ITIH3: variants seen among roughly 807,000 people sequenced by gnomAD.
ITIH3 encodes inter-alpha-trypsin inhibitor heavy chain 3.
In ITIH3, 81 loss-of-function variants were observed where a neutral mutation model predicts 96.5. The ratio of observed to expected loss-of-function variants is 0.84; its 90% confidence interval spans 0.70 to 1.01. ITIH3 has a LOEUF of 1.01. ITIH3 is among the 50% of genes least tolerant of loss of function. The pLI is 0.00. For synonymous variants in ITIH3, 422 were observed against 445.2 expected, an observed-to-expected ratio of 0.95 and a Z score of 0.66; for missense variants, 1,057 against 1,139.3, an observed-to-expected ratio of 0.93 and a Z score of 1.04.
intron 13 of ITIH3, among the ~76,000 whole-genome samples, chr3:52,803,543 T>A (rs1236773601): frequency 2.6e-5 from 4 of 152,152 alleles, no homozygotes; most frequent in Non-Finnish European, 5.9e-5. Flanking sequence ...GATCTCGAAC[T>A]CCTGACCTCA....
At chr3:52,805,611 A>C (rs1700007734) in intron 15 of ITIH3, 197 bp from the exon 16 acceptor site, 4 of 1,395,668 alleles carry the variant, frequency 2.9e-6, no homozygotes, top group Non-Finnish European at 3.7e-6. Context: ...ATCACATCCC[A>C]TTGCCACCAG....
intron 6 of ITIH3, among the ~76,000 whole-genome samples, chr3:52,798,222 C>G (rs763430800): frequency 6.6e-6 from 1 of 152,174 alleles, no homozygotes; most frequent in Non-Finnish European, 1.5e-5. Context: ...TTACAGGTCC[C>G]GAGGCTGAAG....
intron 5 of ITIH3, 146 bp downstream of exon 5, chr3:52,797,413 G>C: frequency 1.1e-6 from 1 of 897,598 alleles, no homozygotes; most frequent in Non-Finnish European, 1.7e-6. Context: ...GGAATTCAAT[G>C]GTTCTGGCCA....
intron 15 of ITIH3, 190 bp downstream of exon 15, chr3:52,804,924 TGGGGGTG>T (rs1699983440): frequency 3.1e-6 from 2 of 647,824 alleles, no homozygotes; most frequent in South Asian, 1.9e-5. Context: ...GTGAGTTAAT[TGGGGGTG>T]GCTTCCCTTG....
chr3:52,798,685 G>C, intron 6 of ITIH3: 1 of 466,728 alleles, frequency 2.1e-6, no homozygotes, highest in Non-Finnish European at 3.9e-6. Context: ...AGCTGAATCA[G>C]CCAAGGCCTG....
intron 2 of ITIH3, 32 bp from the exon 3 acceptor site, chr3:52,796,449 G>C: frequency 1.2e-6 from 2 of 1,600,980 alleles, no homozygotes; most frequent in Non-Finnish European, 1.7e-6. Flanking sequence ...CAGTGTCCCA[G>C]TCTGGCTGAT....
chr3:52,802,091 TTC>T, intron 11 of ITIH3: 2 of 448,004 alleles, frequency 4.5e-6, no homozygotes, highest in East Asian at 3.4e-5. Flanking sequence ...CCTTTCATAT[TTC>T]TTTTTTTTTT....
At chr3:52,795,003 C>A in intron 1 of ITIH3, 107 bp downstream of exon 1, 1 of 904,718 alleles carries the variant, frequency 1.1e-6, no homozygotes, top group Non-Finnish European at 1.8e-6. Flanking sequence ...GAGGGCTGGG[C>A]ACTGAGCTGC....
chr3:52,797,281 C>G lies in ITIH3; in HGVS notation c.549+14C>G, dbSNP rs770061222. The G allele has an allele frequency of 6.3e-7, 1 of 1,593,824 alleles. No homozygotes were observed. The highest frequency in any genetic ancestry group is 2.3e-5 in the East Asian group (1 of 44,172). On this transcript the variant is annotated intron_variant, in intron 5 of 21. Coordinates refer to ENST00000449956, the MANE Select transcript of ITIH3 (RefSeq NM_002217.4). ...AAACACTTTGAGGTAATCAACCGCC[C>G]CTGCAGACCTGGGGGGACGGCAGCG...
Position 52,806,363 on chromosome 3 carries a change from A to G in ITIH3, c.2013A>G (p.Glu671=). Residue 671 remains glutamate, a synonymous_variant, in exon 18 of 22, where the codon GAA becomes GAG. Transcript: ENST00000449956. ...KDDALCFNID[E]APGTVLRLIQ... The stretch of plus-strand genomic sequence containing the variant: ...ATGCCCTCTGCTTCAACATCGATGA[A>G]GCCCCAGGCACAGTGCTGCGCCTTA... 1 of 1,613,976 alleles carries G rather than the reference A, an allele frequency of 6.2e-7. No individual in the cohort carries two copies.
At position 52,802,146 on chromosome 3, in the gene ITIH3, G is replaced by A. The variant is rs151158278; in HGVS notation, c.1384-188G>A. 5.7e-6 allele frequency: 3 copies of A among 527,572 alleles called. No homozygotes were observed. The East Asian group carries it at 9.0e-5, about 16-fold the overall frequency. The allele number at this position is 527,572 out of a possible 1,614,324, so 32.7% of individuals were successfully genotyped here. On this transcript the variant is annotated intron_variant, in intron 11 of 21. Coordinates refer to ENST00000449956, the MANE Select transcript of ITIH3 (RefSeq NM_002217.4). ...GAAACTGTCCTTTCTAGTCTTCCTC[G>A]TGTCTATCTGGGAGCAGGGAGTTGC... is the stretch of plus-strand genomic sequence containing the variant.
intron 2 of ITIH3, among the ~76,000 whole-genome samples, 171 bp from the exon 3 acceptor site, chr3:52,796,310 T>C (rs752853728): frequency 4.3e-4 from 66 of 152,190 alleles, no homozygotes; most frequent in Middle Eastern, 3.4e-3. Flanking sequence ...CACCAGAACA[T>C]GGAGACTGGA....
chr3:52,799,305 C>A, intron 7 of ITIH3, 67 bp from the exon 8 acceptor site: 1 of 1,301,662 alleles, frequency 7.7e-7, no homozygotes, highest in Non-Finnish European at 1.1e-6. Flanking sequence ...TGGCTTCTAC[C>A]TGCAAGAATA....
intron 9 of ITIH3, 40 bp downstream of exon 9, chr3:52,799,961 C>T (rs1454312915): frequency 6.3e-7 from 1 of 1,589,406 alleles, no homozygotes; most frequent in East Asian, 2.2e-5. Context: ...CCTAGCGGTG[C>T]CTCCCTCTGT....
At chr3:52,795,877 C>G (rs991996728) in intron 2 of ITIH3, 1 of 509,484 alleles carries the variant, frequency 2.0e-6, no homozygotes, top group Non-Finnish European at 3.5e-6. Flanking sequence ...CAGACACTTC[C>G]TTAGCACTTG....
At position 52,800,568 on chromosome 3, in the gene ITIH3, G is replaced by T; in HGVS notation, c.1106G>T (p.Gly369Val). 2 of 1,560,196 alleles carry T rather than the reference G, an allele frequency of 1.3e-6. No homozygotes were observed. The highest frequency in any genetic ancestry group is 1.7e-6 in the Non-Finnish European group (2 of 1,151,730). ...AACATCAATGACGGGCTGCTGAGGG[G>T]CATCAGTATGCTGAACAAGGCCCGA... ...MTNINDGLLR[G>V]ISMLNKAREE... is the part of the protein sequence containing the mutation. Residue 369 changes from glycine to valine, a missense_variant, in exon 10 of 22, where the codon GGC becomes GTC. Gly to Val is a moderately radical substitution (Grantham distance 109, BLOSUM62 -3). Coordinates refer to ENST00000449956, the MANE Select transcript of ITIH3 (RefSeq NM_002217.4).
chr3:52,808,025 C>A, intron 20 of ITIH3, 85 bp from the exon 21 acceptor site: 1 of 1,572,948 alleles, frequency 6.4e-7, no homozygotes, highest in Non-Finnish European at 8.7e-7. Context: ...CCCCATTCAG[C>A]CTTTGCATCA....
At position 52,799,079 on chromosome 3, in the gene ITIH3, T is replaced by A. The variant is rs774014486; in HGVS notation, c.777T>A (p.Pro259=). 6.2e-7 allele frequency: 1 copy of A among 1,613,484 alleles called. No individual in the cohort carries two copies. The highest frequency in any genetic ancestry group is 8.5e-7 in the Non-Finnish European group (1 of 1,179,716). The change falls in exon 7 of 22, where the codon CCT becomes CCA. Residue 259 remains proline (P), a synonymous_variant. Coordinates refer to ENST00000449956, the MANE Select transcript of ITIH3 (RefSeq NM_002217.4). ...CCTATGACGTGAACAGAGAATCTCC[T>A]GGCAACGTGCAGGTACCCGGGCTGG... ...TITYDVNRES[P]GNVQIVNGYF... is the part of the protein sequence containing the mutation.
chr3:52,796,434 T>C (rs1184747153), intron 2 of ITIH3, 47 bp from the exon 3 acceptor site: 2 of 1,577,834 alleles, frequency 1.3e-6, no homozygotes, highest in Non-Finnish European at 1.7e-6. Flanking sequence ...GCAAACCTGC[T>C]TCTCCAGTGT....
Sources: allele counts gnomAD v4.1 joint callset (sites outside exome capture counted in the v4.1 genomes callset), GRCh38; gene constraint gnomAD v4.1.1; transcripts MANE v1.5; gene names NCBI Gene and HGNC (gene_info 2026-07-23, HGNC 2026-07-21).